Variants in MYH15 observed in about 807,000 individuals in gnomAD.
The protein encoded by MYH15 is myosin-15.
MYH15 carries 227 observed loss-of-function variants against 240.5 expected under a neutral mutation model. The ratio of observed to expected loss-of-function variants is 0.94; its 90% CI spans 0.85 to 1.05. The LOEUF is 1.05. Among genes scored for constraint, MYH15 ranks in the 50% least tolerant of loss-of-function variants. The pLI, the probability that MYH15 is intolerant of heterozygous loss-of-function variation, is 0.00. For missense variants in MYH15, 2,217 were observed against 2,247.5 expected (o/e 0.99, Z 0.27); for synonymous variants, 785 against 796.7 (o/e 0.99, Z 0.25).
chr3:108,481,741 T>G (rs563823687), intron 11 of MYH15, among the ~76,000 whole-genome samples: 1 of 152,090 alleles, frequency 6.6e-6, no homozygotes, highest in East Asian at 1.9e-4. Context: ...ACGGTAGGGA[T>G]TAGAGAGAGA....
At chr3:108,398,551 G>T in intron 35 of MYH15, 86 bp downstream of exon 35, 1 of 1,295,984 alleles carries the variant, frequency 7.7e-7, no homozygotes, top group Non-Finnish European at 1.1e-6. Flanking sequence ...CAGGGCGACT[G>T]TGCATGGTCC....
At chr3:108,498,408 T>A (rs1169981242) in intron 5 of MYH15, among the ~76,000 whole-genome samples, 1 of 152,128 alleles carries the variant, frequency 6.6e-6, no homozygotes, top group Non-Finnish European at 1.5e-5. Flanking sequence ...CTGTTCCTTG[T>A]GGTCCTAATA....
rs750739017 is a variant in MYH15 at position 108,485,118 on chromosome 3, C to A, written c.1087G>T (p.Glu363Ter). 6.2e-7 allele frequency: 1 copy of A among 1,614,052 alleles called. No individual in the cohort carries two copies. Among genetic ancestry groups the A allele is most frequent in the Non-Finnish European group, 8.5e-7 (1 of 1,179,948 alleles). ...TCTGTGCCATCTGCTTCCAGTTGCT[C>A]TTCTCTAGGTTTCTGTTTAAATTTC... Reference protein sequence around the residue: ...NMKFKQKPREEQLEADGTENA... With the variant: ...NMKFKQKPRE The change falls in exon 11 of 41, where the codon GAG (glutamate) becomes TAG (stop). Residue 363 changes from glutamate to a stop codon, truncating the protein, a stop_gained. Transcript: ENST00000693548. LOFTEE classifies it high-confidence loss of function.
chr3:108,384,638 A>G (rs772847114), intron 39 of MYH15, 49 bp downstream of exon 39: 2 of 1,543,208 alleles, frequency 1.3e-6, no homozygotes, highest in South Asian at 2.3e-5. Context: ...TCCCTTAATC[A>G]AAACAACACT....
chr3:108,394,217 T>G, intron 35 of MYH15, 61 bp from the exon 36 acceptor site: 6 of 1,605,350 alleles, frequency 3.7e-6, no homozygotes, highest in Non-Finnish European at 5.1e-6. Flanking sequence ...TGCAAGCTGG[T>G]CTGTTCAGGA....
chr3:108,464,790 C>T lies in MYH15; in HGVS notation c.1579G>A (p.Glu527Lys), dbSNP rs1284174391. 1 of 1,610,498 alleles carries T rather than the reference C, an allele frequency of 6.2e-7. No homozygotes were observed. The highest frequency in any genetic ancestry group is 8.5e-7 in the Non-Finnish European group (1 of 1,178,860). Residue 527 changes from glutamate to lysine, a missense_variant, in exon 15 of 41, where the codon GAA (glutamate) becomes AAA (lysine). Glu to Lys is a moderately conservative substitution (Grantham distance 56, BLOSUM62 1). Transcript: ENST00000693548. ...GCCTTAGGAAACATACACTCTTCTT[C>T]AAGGATGGAAAGGATGCCCATTGGC... ...EKPMGILSIL[E>K]EECMFPKATD... is the part of the protein sequence containing the mutation.
chr3:108,414,457 T>C (rs1388057051), intron 29 of MYH15, 29 bp from the exon 30 acceptor site: 1 of 1,583,372 alleles, frequency 6.3e-7, no homozygotes, highest in East Asian at 2.2e-5. Flanking sequence ...AACAAAAAGG[T>C]CATGACCACC....
upstream of MYH15, among the ~76,000 whole-genome samples, chr3:108,531,776 C>CTAAA (rs71103476): frequency 6.8e-3 from 1,004 of 148,238 alleles, 3 homozygotes; most frequent in African/African-American, 0.016. Flanking sequence ...GACCCCATCT[C>CTAAA]TAAATAAATA....
At chr3:108,385,261 T>C (rs1254563394) in intron 38 of MYH15, among the ~76,000 whole-genome samples, 1 of 152,226 alleles carries the variant, frequency 6.6e-6, no homozygotes, top group Non-Finnish European at 1.5e-5. Flanking sequence ...TATGCAAAAC[T>C]GAAAACCAAT....
At chr3:108,465,496 G>C (rs1403446877) in intron 14 of MYH15, among the ~76,000 whole-genome samples, 1 of 152,182 alleles carries the variant, frequency 6.6e-6, no homozygotes, top group Admixed American at 6.5e-5. Context: ...GCCTTTGGAG[G>C]CTTTTTAAAT....
At chr3:108,509,808 C>CT (rs373944464) in intron 1 of MYH15, among the ~76,000 whole-genome samples, 82 of 148,004 alleles carry the variant, frequency 5.5e-4, no homozygotes, top group Admixed American at 7.4e-4. Context: ...AGAACTTAGC[C>CT]TTTTTTTTTT....
Position 108,461,071 on chromosome 3 carries a change from C to T in MYH15, c.1865-704G>A, listed in dbSNP as rs532201038. 4.1e-4 allele frequency among the ~76,000 whole-genome samples: 62 copies of T among 152,276 alleles called. No homozygotes were observed. In the South Asian group the frequency reaches 0.011, roughly 28 times the overall value. On this transcript the variant is annotated intron_variant, in intron 16 of 40. Transcript: ENST00000693548. ...AAAGAACCTGTGCTAGGCCAACCAG[C>T]TTTACAAACATTTGAATAGTGCTAA...
At chr3:108,486,036 T>C (rs1057183430) in intron 10 of MYH15, among the ~76,000 whole-genome samples, 5 of 152,192 alleles carry the variant, frequency 3.3e-5, no homozygotes, top group African/African-American at 1.2e-4. Flanking sequence ...GCTTAAACGA[T>C]TAAACTGAGA....
chr3:108,434,387 G>A (rs913476482), intron 25 of MYH15, among the ~76,000 whole-genome samples: 1 of 151,490 alleles, frequency 6.6e-6, no homozygotes, highest in Non-Finnish European at 1.5e-5. Context: ...TATCCATGTT[G>A]GCCAGGCTGG....
In MYH15 at chr3:108,393,664, G is replaced by A. The variant is rs756293718; in HGVS notation, c.5259+367C>T. Reference sequence around the variant, plus strand: ...CTTTCCAAATCATCATCATAAAACTGTTATAGACCCTAGGAAAAATAGCTT... The same window carrying A: ...CTTTCCAAATCATCATCATAAAACTATTATAGACCCTAGGAAAAATAGCTT... On this transcript the variant is annotated intron_variant, in intron 36 of 40. Transcript: ENST00000693548. Among the ~76,000 whole-genome samples the A allele has an allele frequency of 1.1e-3, 168 of 152,306 alleles. 1 individual carries two copies. The highest frequency in any genetic ancestry group is 1.3e-3 in the African/African-American group (52 of 41,564).
At chr3:108,464,112 T>G (rs757561658) in intron 15 of MYH15, among the ~76,000 whole-genome samples, 6 of 152,174 alleles carry the variant, frequency 3.9e-5, no homozygotes, top group Non-Finnish European at 8.8e-5. Context: ...TTATCAATTC[T>G]CTTTTTGTTC....
At position 108,456,750 on chromosome 3, in the gene MYH15, T is replaced by C. The variant is rs2083023093; in HGVS notation, c.2138+16A>G. On this transcript the variant is annotated intron_variant, in intron 19 of 40. Transcript: ENST00000693548. Reference sequence around the variant, plus strand: ...GAACTGCCTCAGGCTTCTTGGATCCTAGAATGTAGGTTTACCTTTGTTTAA... The same window carrying C: ...GAACTGCCTCAGGCTTCTTGGATCCCAGAATGTAGGTTTACCTTTGTTTAA... 1.9e-6 allele frequency: 3 copies of C among 1,572,716 alleles called. 1 individual carries two copies. The Middle Eastern group carries it at 5.0e-4, about 264-fold the overall frequency.
intron 39 of MYH15, 30 bp downstream of exon 39, chr3:108,384,657 C>A: frequency 6.3e-7 from 1 of 1,585,910 alleles, no homozygotes; most frequent in Non-Finnish European, 8.7e-7. Flanking sequence ...CTGGGAAATC[C>A]ATGAGGCTGA....
At chr3:108,405,176 C>T (rs993092110) in intron 33 of MYH15, 162 bp downstream of exon 33, 21 of 408,502 alleles carry the variant, frequency 5.1e-5, no homozygotes, top group African/African-American at 3.0e-4. Flanking sequence ...TATCTATACA[C>T]GATTATAGAT....
Sources: allele counts gnomAD v4.1 joint callset (sites outside exome capture counted in the v4.1 genomes callset), GRCh38; gene constraint gnomAD v4.1.1; transcripts MANE v1.5; gene names NCBI Gene and HGNC (gene_info 2026-07-23, HGNC 2026-07-21).